Variants in KIAA0825 observed in about 807,000 individuals in gnomAD.
KIAA0825 encodes KIAA0825.
A neutral mutation model predicts 147.6 loss-of-function variants in KIAA0825; 119 were observed. The ratio of observed to expected loss-of-function variants is 0.81; its 90% CI spans 0.69 to 0.94. The LOEUF is 0.94. Ranked by LOEUF, KIAA0825 falls within the 40% of genes least tolerant of loss-of-function variation. The probability of loss-of-function intolerance (pLI) is 0.00; values close to 1 mark genes in which losing one functional copy is unlikely to be tolerated. For synonymous variants in KIAA0825, 470 were observed against 518.1 expected (o/e 0.91, Z 1.26); for missense variants, 1,381 against 1,472.7 (o/e 0.94, Z 1.02).
At chr5:94,527,112 T>A (rs1769452451) in intron 3 of KIAA0825, among the ~76,000 whole-genome samples, 1 of 152,054 alleles carries the variant, frequency 6.6e-6, no homozygotes, top group Non-Finnish European at 1.5e-5. Context: ...ATTTGAAGAA[T>A]AAGAAATATG....
At chr5:94,393,942 G>A (rs1390013356) in intron 17 of KIAA0825, among the ~76,000 whole-genome samples, 4 of 151,208 alleles carry the variant, frequency 2.6e-5, no homozygotes, top group African/African-American at 7.3e-5. Flanking sequence ...TCCGCCTCCC[G>A]GGTTCAAGCG....
chr5:94,515,190 G>A (rs1327047464), intron 5 of KIAA0825, among the ~76,000 whole-genome samples: 1 of 151,892 alleles, frequency 6.6e-6, no homozygotes, highest in East Asian at 1.9e-4. Flanking sequence ...GAGAAATGTA[G>A]CATTTACTTA....
At chr5:94,396,710 T>C (rs1364876697) in intron 16 of KIAA0825, among the ~76,000 whole-genome samples, 1 of 152,116 alleles carries the variant, frequency 6.6e-6, no homozygotes, top group Non-Finnish European at 1.5e-5. Flanking sequence ...TGTTTTTTTT[T>C]TTCTCTCATA....
intron 20 of KIAA0825, among the ~76,000 whole-genome samples, chr5:94,290,766 C>A (rs1480758977): frequency 6.6e-6 from 1 of 152,152 alleles, no homozygotes; most frequent in Non-Finnish European, 1.5e-5. Flanking sequence ...TAAAAGCATT[C>A]CTATTTCTCC....
intron 20 of KIAA0825, among the ~76,000 whole-genome samples, chr5:94,223,964 G>A (rs1353786516): frequency 1.3e-5 from 2 of 151,014 alleles, no homozygotes; most frequent in Non-Finnish European, 2.9e-5. Flanking sequence ...AAGAGCGTAT[G>A]TCCAACCTAT....
chr5:94,459,980 C>A (rs1007231208), intron 12 of KIAA0825, among the ~76,000 whole-genome samples: 6 of 151,980 alleles, frequency 3.9e-5, no homozygotes, highest in Admixed American at 6.6e-5. Flanking sequence ...ATTGTTGTAT[C>A]CCTTTTCTTT....
chr5:94,489,461 T>C (rs1282372533), intron 5 of KIAA0825, among the ~76,000 whole-genome samples: 2 of 151,932 alleles, frequency 1.3e-5, no homozygotes, highest in African/African-American at 2.4e-5. Flanking sequence ...TCATGAGCTT[T>C]AGATAAAAAC....
chr5:94,228,748 C>A (rs1562324014), intron 20 of KIAA0825, among the ~76,000 whole-genome samples: 1 of 152,222 alleles, frequency 6.6e-6, no homozygotes, highest in Non-Finnish European at 1.5e-5. Context: ...ATGAGTTTTT[C>A]AAATGCTCTC....
intron 2 of KIAA0825, chr5:94,569,712 A>G: frequency 3.2e-6 from 1 of 310,748 alleles, no homozygotes; most frequent in Non-Finnish European, 6.0e-6. Flanking sequence ...TAATCACCAG[A>G]TGCTTCAACC....
In KIAA0825 at chr5:94,520,700, A is replaced by C. The variant is rs1465339881; in HGVS notation, c.518T>G (p.Val173Gly). The C allele has an allele frequency of 6.2e-7, 1 of 1,613,308 alleles. No individual in the cohort carries two copies. The highest frequency in any genetic ancestry group is 2.2e-5 in the East Asian group (1 of 44,862). ...DIRLHLRRFL[V>G]SKLQSHNEIN... is the part of the protein sequence containing the mutation. ...TTCATTATGGCTTTGTAATTTGCTC[A>C]CTAAGAAGCGTCGAAGATGCAGTCT... Residue 173 changes from valine to glycine, a missense_variant, in exon 5 of 21, where the codon GTG becomes GGG. By Grantham distance (109) the Val-to-Gly change is moderately radical. Transcript: ENST00000682413.
intron 20 of KIAA0825, among the ~76,000 whole-genome samples, chr5:94,192,615 C>CT (rs924856597): frequency 1.5e-4 from 22 of 151,176 alleles, no homozygotes; most frequent in Non-Finnish European, 2.5e-4. Flanking sequence ...CTTAATGAGA[C>CT]TTTTTTTTTA....
At chr5:94,580,220 AG>A (rs1383635891) in intron 2 of KIAA0825, among the ~76,000 whole-genome samples, 1 of 152,220 alleles carries the variant, frequency 6.6e-6, no homozygotes, top group Non-Finnish European at 1.5e-5. Context: ...AACCAGAGCC[AG>A]GTGTTTCAAT....
intron 19 of KIAA0825, among the ~76,000 whole-genome samples, chr5:94,384,704 T>A (rs916654231): frequency 6.6e-6 from 1 of 152,202 alleles, no homozygotes; most frequent in South Asian, 2.1e-4. Context: ...ATTTATTGAG[T>A]CGTTATTCTT....
rs1199830031 is a variant in KIAA0825 at position 94,520,804 on chromosome 5, G to T, written c.414C>A (p.Phe138Leu). The T allele has an allele frequency of 6.2e-7, 1 of 1,613,234 alleles. No homozygotes were observed. Among genetic ancestry groups the T allele is most frequent in the Admixed American group, 1.7e-5 (1 of 59,908 alleles). ...GAAGAGACGTCCTAGAGAGGAAATG[G>T]AAAGATGTTCCACTTAGGGTTGATG... ...SFPSTLSGTS[F>L]HFLSRTSLHS... Residue 138 changes from phenylalanine to leucine, a missense_variant, in exon 5 of 21, where the codon TTC (phenylalanine) becomes TTA (leucine). Phe to Leu is a conservative substitution (Grantham distance 22). Transcript: ENST00000682413.
intron 1 of KIAA0825, among the ~76,000 whole-genome samples, chr5:94,596,000 C>T (rs1051860955): frequency 6.6e-6 from 1 of 152,152 alleles, no homozygotes; most frequent in Non-Finnish European, 1.5e-5. Flanking sequence ...ACTTTATTGC[C>T]AGATGTATAG....
chr5:94,490,521 G>A (rs908403910), intron 5 of KIAA0825, among the ~76,000 whole-genome samples: 3 of 151,912 alleles, frequency 2.0e-5, no homozygotes, highest in Non-Finnish European at 2.9e-5. Context: ...ACTTGATAGA[G>A]TATATTGATA....
chr5:94,367,375 G>A (rs1472622797), intron 20 of KIAA0825, among the ~76,000 whole-genome samples: 4 of 152,140 alleles, frequency 2.6e-5, no homozygotes, highest in Non-Finnish European at 4.4e-5. Flanking sequence ...GCGGGCGCCT[G>A]TAATCCCAGC....
At chr5:94,365,774 G>A (rs952786091) in intron 20 of KIAA0825, among the ~76,000 whole-genome samples, 17 of 152,260 alleles carry the variant, frequency 1.1e-4, no homozygotes, top group East Asian at 3.9e-4. Flanking sequence ...TCCTGCCTGC[G>A]GACTAGACTG....
At chr5:94,549,015 G>C (rs917148504) in intron 2 of KIAA0825, among the ~76,000 whole-genome samples, 9 of 152,100 alleles carry the variant, frequency 5.9e-5, no homozygotes, top group South Asian at 2.1e-4. Context: ...TTCAGCATAG[G>C]ACAGATCTTA....
Sources: gnomAD v4.1 joint callset for allele counts (sites outside exome capture counted in the v4.1 genomes callset) on GRCh38, gnomAD v4.1.1 for gene constraint, MANE v1.5 for transcripts, NCBI Gene and HGNC (gene_info 2026-07-23, HGNC 2026-07-21) for gene names.